Variants in RANBP17 observed in about 807,000 individuals in gnomAD.
RANBP17 encodes RAN binding protein 17.
In RANBP17, 158 loss-of-function variants were observed where a neutral mutation model predicts 141.2. The observed-to-expected ratio is 1.12, with a 90% CI of 0.98 to 1.28. The LOEUF (loss-of-function observed/expected upper bound fraction) is 1.28, where lower values mean the gene tolerates loss of function less well. Among genes scored for constraint, RANBP17 ranks in the 50% most tolerant of loss-of-function variants. The probability of loss-of-function intolerance (pLI) is 0.00; values close to 1 mark genes in which losing one functional copy is unlikely to be tolerated. For missense variants in RANBP17, 1,438 were observed against 1,290.7 expected, an observed-to-expected ratio of 1.11 and a Z score of -1.75; for synonymous variants, 430 against 450.0, an observed-to-expected ratio of 0.96 and a Z score of 0.56.
intron 14 of RANBP17, among the ~76,000 whole-genome samples, chr5:171,121,116 C>T (rs1756000429): frequency 1.3e-5 from 2 of 152,184 alleles, no homozygotes; most frequent in Non-Finnish European, 2.9e-5. Flanking sequence ...ATGTTAGGAG[C>T]ATATGTGTGC....
intron 3 of RANBP17, among the ~76,000 whole-genome samples, chr5:170,890,226 G>A (rs1444012086): frequency 6.6e-6 from 1 of 152,118 alleles, no homozygotes; most frequent in Non-Finnish European, 1.5e-5. Context: ...AAATAAAAGT[G>A]TAATTGAAGT....
rs1437482589 is a variant in RANBP17, at chr5:171,277,637, G to GTGTGTGTATATATATATATA, written c.2943+11791_2943+11792insGTGTGTATATATATATATAT. 1.2e-4 allele frequency among the ~76,000 whole-genome samples: 7 copies of GTGTGTGTATATATATATATA among 56,918 alleles called. No individual in the cohort carries two copies. The South Asian group carries it at 4.6e-3, about 37-fold the overall frequency. 37.3% of individuals were successfully genotyped at this position (56,918 alleles called of 152,430 possible). A position where few individuals can be genotyped will look rare whatever the true frequency, so the allele number is the denominator to read the frequency against. ...GTGCCTTACGTATACATATATGTAT[G>GTGTGTGTATATATATATATA]TATATATATATATATATATATATAT... On this transcript the variant is annotated intron_variant, in intron 25 of 27. Coordinates refer to ENST00000523189, the MANE Select transcript of RANBP17 (RefSeq NM_022897.5).
chr5:170,990,533 T>A (rs1196003975), intron 14 of RANBP17, among the ~76,000 whole-genome samples: 5 of 151,962 alleles, frequency 3.3e-5, no homozygotes, highest in Non-Finnish European at 7.4e-5. Context: ...TCCTAATGAT[T>A]AATGATCACT....
chr5:170,930,821 G>A (rs188775392), intron 12 of RANBP17, among the ~76,000 whole-genome samples: 1 of 152,214 alleles, frequency 6.6e-6, no homozygotes, highest in African/African-American at 2.4e-5. Flanking sequence ...CATTGGACAT[G>A]TGGGTTGGTT....
intron 14 of RANBP17, among the ~76,000 whole-genome samples, chr5:171,115,595 G>T (rs576188830): frequency 1.3e-5 from 2 of 152,224 alleles, no homozygotes; most frequent in African/African-American, 4.8e-5. Flanking sequence ...TTTTTATGCC[G>T]AATGAACTGA....
At chr5:171,065,529 C>T (rs1411631420) in intron 14 of RANBP17, among the ~76,000 whole-genome samples, 1 of 152,112 alleles carries the variant, frequency 6.6e-6, no homozygotes, top group African/African-American at 2.4e-5. Context: ...TTGTGACTCC[C>T]AGTTCCTAAC....
chr5:170,986,018 A>G (rs886429351), intron 14 of RANBP17, among the ~76,000 whole-genome samples: 4 of 152,220 alleles, frequency 2.6e-5, no homozygotes, highest in African/African-American at 9.6e-5. Context: ...GGGAGTGAAA[A>G]CAGAATAGTA....
intron 14 of RANBP17, among the ~76,000 whole-genome samples, chr5:171,141,621 CAAAAAAAAAAAA>C (rs10691735): frequency 1.8e-5 from 1 of 55,326 alleles, no homozygotes; most frequent in Non-Finnish European, 3.0e-5. Flanking sequence ...GACTCCATCT[CAAAAAAAAAAAA>C]AAAAAAAAAG....
At chr5:171,063,005 C>T (rs1383071320) in intron 14 of RANBP17, among the ~76,000 whole-genome samples, 1 of 151,980 alleles carries the variant, frequency 6.6e-6, no homozygotes, top group Non-Finnish European at 1.5e-5. Flanking sequence ...TGGCTTTCAG[C>T]TCCATCAGCT....
chr5:171,254,360 C>T (rs956360067), intron 24 of RANBP17, among the ~76,000 whole-genome samples: 9 of 151,940 alleles, frequency 5.9e-5, no homozygotes, highest in African/African-American at 1.9e-4. Flanking sequence ...AAGTTGAGGT[C>T]ATGCTTGGGA....
At chr5:170,979,464 A>T (rs1652644267) in intron 14 of RANBP17, among the ~76,000 whole-genome samples, 1 of 152,160 alleles carries the variant, frequency 6.6e-6, no homozygotes, top group South Asian at 2.1e-4. Context: ...AGAGAATGAT[A>T]TGGTCTGGCT....
At chr5:171,124,844 A>T (rs1480231426) in intron 14 of RANBP17, among the ~76,000 whole-genome samples, 1 of 152,248 alleles carries the variant, frequency 6.6e-6, no homozygotes, top group African/African-American at 2.4e-5. Context: ...ATAAAGTGGC[A>T]GGAGGAAGTC....
intron 14 of RANBP17, among the ~76,000 whole-genome samples, chr5:171,121,378 TTG>T (rs1756019043): frequency 6.6e-6 from 1 of 152,188 alleles, no homozygotes; most frequent in Admixed American, 6.5e-5. Flanking sequence ...CCAGACAGGG[TTG>T]TATCTTCCAA....
intron 14 of RANBP17, among the ~76,000 whole-genome samples, chr5:171,165,231 G>A (rs1759608847): frequency 6.6e-6 from 1 of 151,982 alleles, no homozygotes; most frequent in Non-Finnish European, 1.5e-5. Context: ...ACCCAGGCTG[G>A]AGTGCAATGG....
chr5:170,936,793 G>T (rs1328007379), intron 12 of RANBP17, among the ~76,000 whole-genome samples: 1 of 152,072 alleles, frequency 6.6e-6, no homozygotes, highest in Non-Finnish European at 1.5e-5. Context: ...TATATTGTTT[G>T]CAGAGAGAGG....
At chr5:170,909,189 G>T (rs1771319297) in intron 5 of RANBP17, among the ~76,000 whole-genome samples, 1 of 151,712 alleles carries the variant, frequency 6.6e-6, no homozygotes. Flanking sequence ...TTTCTGCCTT[G>T]GTTTCTTTTC....
At chr5:171,210,949 G>A (rs1762843240) in intron 20 of RANBP17, among the ~76,000 whole-genome samples, 1 of 147,254 alleles carries the variant, frequency 6.8e-6, no homozygotes, top group Non-Finnish European at 1.5e-5. Flanking sequence ...AAGTTGCAAT[G>A]AGCCAAGATT....
At chr5:171,231,347 T>G (rs1764198953) in intron 22 of RANBP17, among the ~76,000 whole-genome samples, 1 of 152,150 alleles carries the variant, frequency 6.6e-6, no homozygotes, top group South Asian at 2.1e-4. Flanking sequence ...TAATGTGATT[T>G]TACAAAATTT....
In RANBP17 at chr5:170,918,861, T is replaced by A. The variant is rs773240691; in HGVS notation, c.1101+2T>A. The A allele has an allele frequency of 6.5e-7, 1 of 1,547,398 alleles. No homozygotes were observed. On this transcript the variant is annotated splice_donor_variant, in intron 10 of 27. Transcript: ENST00000523189. LOFTEE classifies it high-confidence loss of function. ...AATTTTACCATTACTAGCCTACAGGTAGGTAAAAATATGTAATTATGTTAA... is the reference window on the plus strand; with the variant it reads ...AATTTTACCATTACTAGCCTACAGGAAGGTAAAAATATGTAATTATGTTAA...
Sources: gnomAD v4.1 joint callset for allele counts (sites outside exome capture counted in the v4.1 genomes callset) on GRCh38, gnomAD v4.1.1 for gene constraint, MANE v1.5 for transcripts, NCBI Gene and HGNC (gene_info 2026-07-23, HGNC 2026-07-21) for gene names.